CDK14: variants seen among roughly 807,000 people sequenced by gnomAD.
The protein encoded by CDK14 is cyclin-dependent kinase 14.
A neutral mutation model predicts 60.7 loss-of-function variants in CDK14; 34 were observed. That is an observed-to-expected ratio of 0.56 (90% CI 0.43 to 0.75). The LOEUF (loss-of-function observed/expected upper bound fraction) is 0.75. Ranked by LOEUF, CDK14 falls within the 30% of genes least tolerant of loss-of-function variation. CDK14 has a pLI of 0.00. For synonymous variants in CDK14, 197 were observed against 203.7 expected, an observed-to-expected ratio of 0.97 and a Z score of 0.28; for missense variants, 482 against 564.1, an observed-to-expected ratio of 0.85 and a Z score of 1.47.
rs766382291 is a variant in CDK14 at position 90,955,684 on chromosome 7, A to G, written c.827-13A>G. On this transcript the variant is annotated splice_polypyrimidine_tract_variant and intron_variant, in intron 8 of 14. Coordinates refer to ENST00000380050, the MANE Select transcript of CDK14 (RefSeq NM_001287135.2). ...TGCCTGTTAAACTTCTTTATGTTTC[A>G]TATAACCCACAGGTCTTGCAAGAGC... is the stretch of plus-strand genomic sequence containing the variant. 6.8e-6 allele frequency: 11 copies of G among 1,612,308 alleles called. No individual in the cohort carries two copies. The highest frequency in any genetic ancestry group is 3.3e-5 in the Admixed American group (2 of 59,908).
chr7:90,635,764 G>A (rs1800130118), intron 2 of CDK14, among the ~76,000 whole-genome samples: 1 of 152,110 alleles, frequency 6.6e-6, no homozygotes, highest in South Asian at 2.1e-4. Context: ...TCCTATCCAT[G>A]AGCATGGAAT....
At chr7:90,655,115 TAGC>T (rs1800724710) in intron 2 of CDK14, among the ~76,000 whole-genome samples, 1 of 152,206 alleles carries the variant, frequency 6.6e-6, no homozygotes, top group African/African-American at 2.4e-5. Context: ...TTCTTTCACT[TAGC>T]AGTATACACT....
intron 14 of CDK14, among the ~76,000 whole-genome samples, chr7:91,127,598 T>C (rs1472669050): frequency 1.2e-4 from 18 of 152,166 alleles, no homozygotes; most frequent in Admixed American, 1.2e-3. Context: ...GTCTAATCCA[T>C]GTGAAAAAAT....
At chr7:90,640,061 C>T (rs1236668802) in intron 2 of CDK14, among the ~76,000 whole-genome samples, 5 of 152,158 alleles carry the variant, frequency 3.3e-5, no homozygotes, top group Non-Finnish European at 7.3e-5. Context: ...TCCCTGACCC[C>T]TTGTGCTTCC....
chr7:91,097,111 T>C (rs1799014570), intron 12 of CDK14, among the ~76,000 whole-genome samples: 3 of 152,186 alleles, frequency 2.0e-5, no homozygotes, highest in Non-Finnish European at 4.4e-5. Context: ...CCGGACACAG[T>C]GGCTCACACC....
chr7:90,606,464 TTCA>T (rs575279446), intron 2 of CDK14, among the ~76,000 whole-genome samples: 24 of 152,322 alleles, frequency 1.6e-4, no homozygotes, highest in African/African-American at 4.8e-4. Flanking sequence ...CTTCATTGCC[TTCA>T]TCATCACCAT....
intron 2 of CDK14, among the ~76,000 whole-genome samples, chr7:90,605,854 G>T (rs1014041360): frequency 6.6e-6 from 1 of 151,944 alleles, no homozygotes; most frequent in Non-Finnish European, 1.5e-5. Flanking sequence ...TAGGCATTTC[G>T]AAAACCTTTT....
intron 2 of CDK14, among the ~76,000 whole-genome samples, chr7:90,663,605 G>T (rs563781227): frequency 5.5e-4 from 83 of 152,172 alleles, no homozygotes; most frequent in Middle Eastern, 6.8e-3. Flanking sequence ...TCAATATTTT[G>T]GTCATACTCT....
chr7:91,056,375 G>A (rs1797558498), intron 11 of CDK14, among the ~76,000 whole-genome samples: 2 of 150,040 alleles, frequency 1.3e-5, no homozygotes, highest in South Asian at 2.1e-4. Context: ...TCGGTAATCT[G>A]AATATTCATA....
chr7:91,093,119 T>C (rs1798876480), intron 12 of CDK14, among the ~76,000 whole-genome samples: 1 of 152,182 alleles, frequency 6.6e-6, no homozygotes, highest in African/African-American at 2.4e-5. Context: ...CTCAGAATTC[T>C]AGCAGATTTC....
At chr7:90,638,690 T>C (rs1371253149) in intron 2 of CDK14, among the ~76,000 whole-genome samples, 1 of 152,204 alleles carries the variant, frequency 6.6e-6, no homozygotes, top group Non-Finnish European at 1.5e-5. Flanking sequence ...CTTGCTAGAT[T>C]GGGGAAGTTC....
At chr7:90,730,747 A>T (rs891595242) in intron 3 of CDK14, among the ~76,000 whole-genome samples, 1 of 151,884 alleles carries the variant, frequency 6.6e-6, no homozygotes, top group African/African-American at 2.4e-5. Context: ...TAGATTCTGG[A>T]TATTAGCCCT....
intron 4 of CDK14, among the ~76,000 whole-genome samples, chr7:90,771,599 G>A (rs1479470662): frequency 6.6e-6 from 1 of 152,220 alleles, no homozygotes; most frequent in Non-Finnish European, 1.5e-5. Flanking sequence ...GGTCAAATAT[G>A]TGCTGATTGG....
intron 6 of CDK14, among the ~76,000 whole-genome samples, chr7:90,866,968 G>T (rs557496294): frequency 6.6e-6 from 1 of 152,172 alleles, no homozygotes; most frequent in Non-Finnish European, 1.5e-5. Context: ...CGATCTGGAA[G>T]CTGCAAGGTT....
chr7:90,748,968 A>G (rs983012016), intron 4 of CDK14, among the ~76,000 whole-genome samples: 7 of 152,178 alleles, frequency 4.6e-5, no homozygotes, highest in South Asian at 2.1e-4. Flanking sequence ...TTCCAAAGAC[A>G]TAGTTGGAAA....
chr7:90,773,876 C>T (rs1026134209), intron 4 of CDK14, among the ~76,000 whole-genome samples: 1 of 111,964 alleles, frequency 8.9e-6, no homozygotes, highest in African/African-American at 3.3e-5. Flanking sequence ...CCTCTCCTCT[C>T]CTCTCCTCTC....
chr7:91,080,605 C>A (rs1798458402), intron 12 of CDK14, among the ~76,000 whole-genome samples: 2 of 152,130 alleles, frequency 1.3e-5, no homozygotes, highest in Admixed American at 1.3e-4. Context: ...ATTTCCTGAT[C>A]ACTGGTCTAA....
chr7:90,732,525 A>T (rs1802909842), intron 3 of CDK14, among the ~76,000 whole-genome samples: 2 of 152,180 alleles, frequency 1.3e-5, no homozygotes, highest in Non-Finnish European at 2.9e-5. Flanking sequence ...AGAACTTGTT[A>T]CTGGTCTATT....
intron 2 of CDK14, among the ~76,000 whole-genome samples, chr7:90,611,190 A>G (rs1391002820): frequency 6.6e-6 from 1 of 152,018 alleles, no homozygotes; most frequent in South Asian, 2.1e-4. Context: ...CTTTCACCAT[A>G]GGCTCTGAAC....
Sources: allele counts gnomAD v4.1 joint callset (sites outside exome capture counted in the v4.1 genomes callset), GRCh38; gene constraint gnomAD v4.1.1; transcripts MANE v1.5; gene names NCBI Gene and HGNC (gene_info 2026-07-23, HGNC 2026-07-21).